AUTS2: variants seen among roughly 807,000 people sequenced by gnomAD.
AUTS2 encodes activator of transcription and developmental regulator AUTS2, also known as autism susceptibility gene 2 protein.
A neutral mutation model predicts 112.4 loss-of-function variants in AUTS2; 17 were observed. That is an observed-to-expected ratio of 0.15 (90% CI 0.10 to 0.23). The LOEUF (loss-of-function observed/expected upper bound fraction) is 0.23, where lower values mean the gene tolerates loss of function less well. Ranked by LOEUF, AUTS2 falls within the 10% of genes least tolerant of loss-of-function variation. The pLI is 1.00. For synonymous variants in AUTS2, 751 were observed against 702.7 expected, an observed-to-expected ratio of 1.07 and a Z score of -1.09; for missense variants, 1,510 against 1,701.6, an observed-to-expected ratio of 0.89 and a Z score of 1.98.
chr7:69,622,702 A>G (rs1202810312), intron 1 of AUTS2, among the ~76,000 whole-genome samples: 1 of 152,250 alleles, frequency 6.6e-6, no homozygotes, highest in Non-Finnish European at 1.5e-5. Context: ...TGCCAGCAGA[A>G]GTTACATAGT....
intron 1 of AUTS2, among the ~76,000 whole-genome samples, chr7:69,668,337 A>G (rs934792353): frequency 6.6e-6 from 1 of 152,234 alleles, no homozygotes; most frequent in Admixed American, 6.5e-5. Context: ...AGTAATTCCC[A>G]GTGGTCATTC....
chr7:70,497,427 A>G (rs1386496215), intron 5 of AUTS2, among the ~76,000 whole-genome samples: 2 of 152,244 alleles, frequency 1.3e-5, no homozygotes, highest in Admixed American at 6.5e-5. Context: ...AGAAGAGGTC[A>G]TGATGGATTG....
At chr7:70,638,220 C>T (rs1490383267) in intron 5 of AUTS2, among the ~76,000 whole-genome samples, 2 of 152,098 alleles carry the variant, frequency 1.3e-5, no homozygotes, top group South Asian at 2.1e-4. Context: ...TAGTAATAAT[C>T]CCCCCGAATC....
intron 2 of AUTS2, among the ~76,000 whole-genome samples, chr7:69,953,075 G>T (rs1797085304): frequency 6.6e-6 from 1 of 152,150 alleles, no homozygotes; most frequent in Non-Finnish European, 1.5e-5. Context: ...GCATGTTCTA[G>T]AGAAGGGTTC....
chr7:69,797,792 T>A (rs1008287787), intron 1 of AUTS2, among the ~76,000 whole-genome samples: 4 of 152,018 alleles, frequency 2.6e-5, no homozygotes, highest in Non-Finnish European at 2.9e-5. Flanking sequence ...TCCCAAAACA[T>A]TTTTTTTCCT....
intron 4 of AUTS2, among the ~76,000 whole-genome samples, chr7:70,414,061 T>C (rs1794892561): frequency 6.6e-6 from 1 of 152,222 alleles, no homozygotes; most frequent in African/African-American, 2.4e-5. Context: ...ATTTGAATGC[T>C]AAGGAGCTGC....
At chr7:69,600,320 A>G (rs1027307729) in intron 1 of AUTS2, among the ~76,000 whole-genome samples, 23 of 150,372 alleles carry the variant, frequency 1.5e-4, no homozygotes, top group East Asian at 3.9e-4. Flanking sequence ...TCCCTCCCCA[A>G]TCATGGCTTC....
At chr7:70,407,672 A>G (rs1048176232) in intron 4 of AUTS2, among the ~76,000 whole-genome samples, 15 of 152,130 alleles carry the variant, frequency 9.9e-5, no homozygotes, top group Admixed American at 9.8e-4. Context: ...TAATCCCAGC[A>G]CTTTGGGAGG....
intron 2 of AUTS2, among the ~76,000 whole-genome samples, chr7:70,066,760 G>A (rs1484356855): frequency 6.6e-6 from 1 of 152,056 alleles, no homozygotes; most frequent in Non-Finnish European, 1.5e-5. Context: ...GGCTGGTCTT[G>A]AACTCCTGAC....
intron 4 of AUTS2, among the ~76,000 whole-genome samples, chr7:70,231,752 G>A (rs12698876): frequency 3.6e-4 from 3 of 8,308 alleles, no homozygotes; most frequent in African/African-American, 1.7e-3. Flanking sequence ...TAGATATGAG[G>A]TTTTTTTGTT....
intron 2 of AUTS2, among the ~76,000 whole-genome samples, chr7:69,967,853 C>CA (rs1797694576): frequency 6.6e-6 from 1 of 152,192 alleles, no homozygotes; most frequent in African/African-American, 2.4e-5. Context: ...CACCTCCCTC[C>CA]AGTCTTGTCA....
chr7:70,364,605 AT>A (rs1378168502), intron 4 of AUTS2, among the ~76,000 whole-genome samples: 2 of 149,392 alleles, frequency 1.3e-5, no homozygotes, highest in African/African-American at 5.0e-5. Context: ...AAATAAATAA[AT>A]AAATAAATAA....
chr7:69,637,690 A>T (rs1794612800), intron 1 of AUTS2, among the ~76,000 whole-genome samples: 1 of 73,536 alleles, frequency 1.4e-5, no homozygotes. Flanking sequence ...ATGAAAATCA[A>T]AGCGATAGTA....
At chr7:70,691,926 A>G (rs901598889) in intron 5 of AUTS2, among the ~76,000 whole-genome samples, 31 of 136,010 alleles carry the variant, frequency 2.3e-4, no homozygotes, top group Non-Finnish European at 1.5e-5. Context: ...TTTAGGCTGT[A>G]GTACAGTGGC....
At chr7:69,900,673 T>C (rs1794932381) in intron 2 of AUTS2, among the ~76,000 whole-genome samples, 1 of 152,206 alleles carries the variant, frequency 6.6e-6, no homozygotes, top group Non-Finnish European at 1.5e-5. Flanking sequence ...CAATATGATG[T>C]AGTGGGCAGT....
chr7:70,640,505 A>C (rs1805766143), intron 5 of AUTS2, among the ~76,000 whole-genome samples: 1 of 151,498 alleles, frequency 6.6e-6, no homozygotes, highest in African/African-American at 2.4e-5. Flanking sequence ...ACTGGAAGTC[A>C]GCGCAGACAT....
intron 1 of AUTS2, among the ~76,000 whole-genome samples, chr7:69,838,041 CTG>C (rs1791803651): frequency 6.6e-6 from 1 of 152,156 alleles, no homozygotes; most frequent in African/African-American, 2.4e-5. Context: ...GGGATTGTAG[CTG>C]GTCTACTACA....
chr7:69,629,664 T>C (rs976918854), intron 1 of AUTS2, among the ~76,000 whole-genome samples: 3 of 152,208 alleles, frequency 2.0e-5, no homozygotes, highest in African/African-American at 7.2e-5. Context: ...GTAAAGAGTT[T>C]GGGGTTTTCA....
chr7:69,869,217 A>G (rs1382967871), intron 1 of AUTS2, among the ~76,000 whole-genome samples: 10 of 152,160 alleles, frequency 6.6e-5, no homozygotes, highest in Non-Finnish European at 4.4e-5. Context: ...AGTCAATTCT[A>G]TCAGTGTTTA....
Sources: allele counts gnomAD v4.1 joint callset (sites outside exome capture counted in the v4.1 genomes callset), GRCh38; gene constraint gnomAD v4.1.1; transcripts MANE v1.5; gene names NCBI Gene and HGNC (gene_info 2026-07-23, HGNC 2026-07-21).